Variants in FANCB observed in about 807,000 individuals in gnomAD.
FANCB encodes the protein FA complementation group B, also known as Fanconi anemia group B protein.
In FANCB, 5 loss-of-function variants were observed where a neutral mutation model predicts 38.9. The ratio of observed to expected loss-of-function variants is 0.13; its 90% CI spans 0.07 to 0.27. The LOEUF (loss-of-function observed/expected upper bound fraction) is 0.27, where lower values mean the gene tolerates loss of function less well. FANCB is among the 10% of genes least tolerant of loss of function. FANCB has a pLI of 1.00. For missense variants in FANCB, 573 were observed against 602.7 expected, an observed-to-expected ratio of 0.95 and a Z score of 0.52; for synonymous variants, 236 against 215.4, an observed-to-expected ratio of 1.10 and a Z score of -0.84.
the FANCB span, among the ~76,000 whole-genome samples, chrX:14,824,226 T>C: frequency 8.9e-6 from 1 of 111,778 alleles, no homozygotes; most frequent in African/African-American, 3.3e-5. Flanking sequence ...TTGGCCACAC[T>C]GGGACCTCCA....
downstream of FANCB, among the ~76,000 whole-genome samples, chrX:14,835,776 G>C (rs982580263): frequency 1.2e-4 from 13 of 112,062 alleles, no homozygotes; most frequent in Non-Finnish European, 1.7e-4. Context: ...AAAATAACAA[G>C]TGTTAGGAAG....
At chrX:14,870,772 T>C (rs2092492544) in intron 1 of FANCB, among the ~76,000 whole-genome samples, 1 of 111,619 alleles carries the variant, frequency 9.0e-6, no homozygotes, top group Non-Finnish European at 1.9e-5. Flanking sequence ...ATTCTTTAAA[T>C]AAACTATCAG....
the FANCB span, among the ~76,000 whole-genome samples, chrX:14,826,425 C>A: frequency 1.8e-5 from 2 of 112,251 alleles, no homozygotes; most frequent in Non-Finnish European, 3.8e-5. Context: ...ATTTCCACAG[C>A]TCTCCATTGC....
chrX:14,738,264 G>C, the FANCB span, among the ~76,000 whole-genome samples: 1 of 112,225 alleles, frequency 8.9e-6, no homozygotes, highest in African/African-American at 3.2e-5. Context: ...CACATATGCT[G>C]GTGAAACAGA....
At chrX:14,752,980 GACAC>G in the FANCB span, among the ~76,000 whole-genome samples, 11,487 of 68,310 alleles carry the variant, frequency 0.17, 857 homozygotes, top group African/African-American at 0.24. Context: ...CTCTCTCTCT[GACAC>G]ACACACACAC....
At chrX:14,692,124 T>C in the FANCB span, among the ~76,000 whole-genome samples, 4 of 112,328 alleles carry the variant, frequency 3.6e-5, no homozygotes, top group Non-Finnish European at 5.6e-5. Context: ...TACTCTGGGC[T>C]GGAAGAGATA....
the FANCB span, among the ~76,000 whole-genome samples, chrX:14,736,890 C>T: frequency 6.3e-5 from 7 of 111,561 alleles, no homozygotes. Context: ...GGCATGGTGG[C>T]TTATGCCTGT....
rs778946615 is a variant in FANCB, at chrX:14,843,669, C to T, written c.2478G>A (p.Thr826=). ...LQREKKKMLQ[T]NLKVSGALYR... The stretch of plus-strand genomic sequence containing the variant: ...AAAGGGCACCACTCACTTTTAGGTT[C>T]GTTTGCAACATTTTCTTCTTTTCTC... The change falls in exon 10 of 10, where the codon ACG becomes ACA. Residue 826 remains threonine, a synonymous_variant. Coordinates refer to ENST00000650831, the MANE Select transcript of FANCB (RefSeq NM_001018113.3). 6 of 1,209,157 alleles carry T rather than the reference C, an allele frequency of 5.0e-6. 1 individual carries two copies. In the South Asian group the frequency reaches 7.0e-5, roughly 14 times the overall value.
chrX:14,735,580 G>C, the FANCB span, among the ~76,000 whole-genome samples: 1 of 112,127 alleles, frequency 8.9e-6, no homozygotes, highest in Non-Finnish European at 1.9e-5. Context: ...GAACAGCAAA[G>C]ACTGCTGCCT....
the FANCB span, among the ~76,000 whole-genome samples, chrX:14,816,488 G>C: frequency 2.7e-5 from 3 of 111,767 alleles, no homozygotes; most frequent in Admixed American, 9.5e-5. Context: ...TTTAATCCAA[G>C]CCATGTCATT....
the FANCB span, among the ~76,000 whole-genome samples, chrX:14,705,866 G>C: frequency 9.0e-6 from 1 of 111,570 alleles, no homozygotes; most frequent in African/African-American, 3.3e-5. Context: ...AAAACATCAG[G>C]AGGTTAAGTT....
the FANCB span, among the ~76,000 whole-genome samples, chrX:14,779,577 C>T: frequency 8.9e-6 from 1 of 112,126 alleles, no homozygotes; most frequent in Admixed American, 9.5e-5. Context: ...AGCAAGAAGG[C>T]CCTCAGCAGA....
chrX:14,730,524 T>G, the FANCB span: 1 of 1,064,110 alleles, frequency 9.4e-7, no homozygotes. Flanking sequence ...TGCCTCAGTG[T>G]TGTGCTTGTA....
At chrX:14,715,797 A>G in the FANCB span, among the ~76,000 whole-genome samples, 2 of 111,772 alleles carry the variant, frequency 1.8e-5, no homozygotes, top group Non-Finnish European at 3.8e-5. Flanking sequence ...TGAATGTCAC[A>G]CAAAGGAGCT....
chrX:14,837,770 A>G lies in FANCB; in HGVS notation c.*1567-1515T>C, dbSNP rs1033730041. Among the ~76,000 whole-genome samples, 3 of 112,614 alleles carry G rather than the reference A, an allele frequency of 2.7e-5. No individual in the cohort carries two copies. The Admixed American group carries it at 2.8e-4, about 11-fold the overall frequency. On this transcript the variant is annotated intron_variant and NMD_transcript_variant, in intron 10 of 10. Coordinates refer to the FANCB transcript ENST00000643728. ...ATACACAGAATAGCATAGTGGTGAA[A>G]GAGCAAAGGTTCTGTAGCTGGACTG...
At chrX:14,721,703 C>T in the FANCB span, among the ~76,000 whole-genome samples, 2 of 111,291 alleles carry the variant, frequency 1.8e-5, no homozygotes, top group African/African-American at 6.5e-5. Context: ...GAGGACCCTT[C>T]GCAGGCTGAA....
At chrX:14,793,856 A>AT in the FANCB span, among the ~76,000 whole-genome samples, 1 of 111,559 alleles carries the variant, frequency 9.0e-6, no homozygotes, top group African/African-American at 3.3e-5. Flanking sequence ...CAGAAGGGGC[A>AT]TGGAAGAAAC....
the FANCB span, among the ~76,000 whole-genome samples, chrX:14,764,005 A>T: frequency 8.9e-6 from 1 of 111,762 alleles, no homozygotes; most frequent in Admixed American, 9.6e-5. Flanking sequence ...GTGCAGTGCA[A>T]AAGATAGAAG....
chrX:14,771,536 C>T, the FANCB span, among the ~76,000 whole-genome samples: 7 of 111,642 alleles, frequency 6.3e-5, no homozygotes, highest in South Asian at 1.9e-3. Flanking sequence ...AGCTCCTGTA[C>T]TGTTTTATCA....
Sources: gnomAD v4.1 joint callset for allele counts (sites outside exome capture counted in the v4.1 genomes callset) on GRCh38, gnomAD v4.1.1 for gene constraint, MANE v1.5 for transcripts, NCBI Gene and HGNC (gene_info 2026-07-23, HGNC 2026-07-21) for gene names.